Variants in FBXW4 observed in about 807,000 individuals in gnomAD.
The protein encoded by FBXW4 is F-box and WD repeat domain containing 4, also known as F-box/WD repeat-containing protein 4.
In FBXW4, 40 loss-of-function variants were observed where a neutral mutation model predicts 61.8. That is an observed-to-expected ratio of 0.65 (90% CI 0.50 to 0.84). The LOEUF (loss-of-function observed/expected upper bound fraction) is 0.84. FBXW4 is among the 40% of genes least tolerant of loss of function. The pLI, the probability that FBXW4 is intolerant of heterozygous loss-of-function variation, is 0.00. For synonymous variants in FBXW4, 311 were observed against 313.8 expected (o/e 0.99, Z 0.10); for missense variants, 672 against 753.8 (o/e 0.89, Z 1.27).
rs1031336573 is a variant in FBXW4 at position 101,624,604 on chromosome 10, A to G, written c.1301+141T>C. 4 of 761,332 alleles carry G rather than the reference A, an allele frequency of 5.3e-6. No individual in the cohort carries two copies. The Admixed American group carries it at 8.9e-5, about 17-fold the overall frequency. The allele number at this position is 761,332 out of a possible 1,614,324, so 47.2% of individuals were successfully genotyped here. On this transcript the variant is annotated intron_variant, in intron 6 of 8. Transcript: ENST00000331272. ...TAACCCTGAATGATTCCATGTGAGA[A>G]GGCACCACAGCAGAGGCCTCCTACT...
At chr10:101,668,645 A>G (rs1378950787) in intron 4 of FBXW4, among the ~76,000 whole-genome samples, 1 of 152,180 alleles carries the variant, frequency 6.6e-6, no homozygotes, top group Non-Finnish European at 1.5e-5. Context: ...CAGGTTAAAA[A>G]TATTGCTTGG....
chr10:101,681,632 G>A (rs968521053), intron 1 of FBXW4, among the ~76,000 whole-genome samples: 1 of 149,570 alleles, frequency 6.7e-6, no homozygotes, highest in Non-Finnish European at 1.5e-5. Context: ...TAGGAGAATG[G>A]CATGAACCCG....
chr10:101,634,729 A>G (rs1215992796), intron 5 of FBXW4, among the ~76,000 whole-genome samples: 2 of 149,150 alleles, frequency 1.3e-5, no homozygotes, highest in Non-Finnish European at 3.0e-5. Flanking sequence ...AGCAGATATC[A>G]ATCTCAGATG....
At chr10:101,693,796 C>G (rs1009533645) in intron 1 of FBXW4, among the ~76,000 whole-genome samples, 1 of 152,150 alleles carries the variant, frequency 6.6e-6, no homozygotes, top group Non-Finnish European at 1.5e-5. Context: ...GGACAGACTC[C>G]AGCCTCCTGC....
At chr10:101,636,294 G>A (rs2064000833) in intron 5 of FBXW4, among the ~76,000 whole-genome samples, 1 of 151,830 alleles carries the variant, frequency 6.6e-6, no homozygotes. Context: ...AAAGGTTGTG[G>A]TGAGCCAAGA....
At chr10:101,631,009 A>G (rs2063950870) in intron 5 of FBXW4, among the ~76,000 whole-genome samples, 1 of 152,198 alleles carries the variant, frequency 6.6e-6, no homozygotes, top group Non-Finnish European at 1.5e-5. Flanking sequence ...GAAGGAAGGG[A>G]GGCCCTAGGA....
intron 5 of FBXW4, among the ~76,000 whole-genome samples, chr10:101,662,772 A>T (rs901220037): frequency 6.6e-6 from 1 of 152,070 alleles, no homozygotes; most frequent in Non-Finnish European, 1.5e-5. Context: ...GGGTATGTAG[A>T]TCTGTAGATT....
chr10:101,649,191 C>G (rs1433279666), intron 5 of FBXW4, among the ~76,000 whole-genome samples: 1 of 152,142 alleles, frequency 6.6e-6, no homozygotes, highest in Non-Finnish European at 1.5e-5. Flanking sequence ...TTGAACACCC[C>G]CTATAGATAC....
intron 6 of FBXW4, among the ~76,000 whole-genome samples, chr10:101,622,253 G>T (rs1226371612): frequency 1.3e-5 from 2 of 152,072 alleles, no homozygotes; most frequent in African/African-American, 2.4e-5. Context: ...GGTGAGAAGA[G>T]CATCTTCGCC....
intron 4 of FBXW4, among the ~76,000 whole-genome samples, chr10:101,670,925 T>G (rs1303111195): frequency 6.6e-6 from 1 of 152,168 alleles, no homozygotes; most frequent in Non-Finnish European, 1.5e-5. Flanking sequence ...GCAAAGAGAT[T>G]GTTTTACTTC....
intron 2 of FBXW4, among the ~76,000 whole-genome samples, chr10:101,674,869 G>A (rs1266345792): frequency 6.6e-6 from 1 of 152,188 alleles, no homozygotes; most frequent in Admixed American, 6.5e-5. Flanking sequence ...GCTCTCTGGT[G>A]GAAACTAAGC....
At chr10:101,625,538 C>T (rs1029875458) in intron 5 of FBXW4, 1 of 152,170 alleles carries the variant, frequency 6.6e-6, no homozygotes, top group Non-Finnish European at 1.5e-5. Flanking sequence ...CCCAGAGTGT[C>T]CCTTTAGAGC....
chr10:101,662,049 G>T (rs1395232413), intron 5 of FBXW4, among the ~76,000 whole-genome samples: 1 of 152,176 alleles, frequency 6.6e-6, no homozygotes, highest in East Asian at 1.9e-4. Context: ...GAAGTCCAGG[G>T]CCAAAGGACT....
At chr10:101,679,444 T>C (rs940828705) in intron 1 of FBXW4, among the ~76,000 whole-genome samples, 1 of 152,196 alleles carries the variant, frequency 6.6e-6, no homozygotes, top group African/African-American at 2.4e-5. Flanking sequence ...CTGTCTTTGA[T>C]TTTAAAAAAA....
At chr10:101,646,963 G>A (rs1043443691) in intron 5 of FBXW4, among the ~76,000 whole-genome samples, 8 of 152,124 alleles carry the variant, frequency 5.3e-5, no homozygotes, top group African/African-American at 9.7e-5. Flanking sequence ...GTTTTCTATC[G>A]CCTGGCGGGG....
intron 2 of FBXW4, among the ~76,000 whole-genome samples, chr10:101,674,611 C>A (rs1263987412): frequency 1.3e-5 from 2 of 152,208 alleles, no homozygotes; most frequent in African/African-American, 4.8e-5. Flanking sequence ...ATACCTAGAT[C>A]CTCACAGGGA....
chr10:101,643,819 G>C (rs1222120768), intron 5 of FBXW4, among the ~76,000 whole-genome samples: 1 of 152,192 alleles, frequency 6.6e-6, no homozygotes, highest in Non-Finnish European at 1.5e-5. Context: ...GCGTTTTGTT[G>C]TTTCATCCCT....
intron 5 of FBXW4, among the ~76,000 whole-genome samples, chr10:101,640,484 C>CTT (rs386372272): frequency 0.53 from 44,404 of 83,332 alleles, 12,646 homozygotes; most frequent in East Asian, 0.73. Context: ...CTTTCTTTCT[C>CTT]TTTTTTTTTT....
At chr10:101,681,077 A>G (rs1241655165) in intron 1 of FBXW4, among the ~76,000 whole-genome samples, 1 of 152,212 alleles carries the variant, frequency 6.6e-6, no homozygotes, top group Non-Finnish European at 1.5e-5. Flanking sequence ...ACACTACATA[A>G]AATTATGTCT....
Sources: gnomAD v4.1 joint callset for allele counts (sites outside exome capture counted in the v4.1 genomes callset) on GRCh38, gnomAD v4.1.1 for gene constraint, MANE v1.5 for transcripts, NCBI Gene and HGNC (gene_info 2026-07-23, HGNC 2026-07-21) for gene names.